Variants in CYFIP1 observed in about 807,000 individuals in gnomAD.
CYFIP1 encodes the protein cytoplasmic FMR1 interacting protein 1, also known as cytoplasmic FMR1-interacting protein 1.
In CYFIP1, 58 loss-of-function variants were observed where a neutral mutation model predicts 163.5. The observed-to-expected ratio is 0.35, with a 90% confidence interval of 0.29 to 0.44. CYFIP1 has a LOEUF of 0.44. CYFIP1 is among the 20% of genes least tolerant of loss of function. The pLI is 1.00. For missense variants in CYFIP1, 1,338 were observed against 1,653.8 expected (o/e 0.81, Z 3.31); for synonymous variants, 663 against 660.7 (o/e 1.00, Z -0.05).
chr15:22,974,458 G>A (rs563595208), intron 1 of CYFIP1, among the ~76,000 whole-genome samples: 8 of 152,244 alleles, frequency 5.3e-5, no homozygotes, highest in Non-Finnish European at 5.9e-5. Flanking sequence ...GGCCGGACAC[G>A]ATGGCTCATG....
At chr15:22,905,873 C>CCTCA in intron 21 of CYFIP1, among the ~76,000 whole-genome samples, 1 of 152,032 alleles carries the variant, frequency 6.6e-6, no homozygotes, top group East Asian at 1.9e-4. Flanking sequence ...CATTCTCCTG[C>CCTCA]CTCAGCCTCC....
intron 22 of CYFIP1, among the ~76,000 whole-genome samples, chr15:22,902,804 G>A (rs2060439396): frequency 6.6e-6 from 1 of 152,152 alleles, no homozygotes; most frequent in Admixed American, 6.5e-5. Flanking sequence ...CACAGGAAAC[G>A]CGGTCCTGCA....
intron 26 of CYFIP1, among the ~76,000 whole-genome samples, chr15:22,879,388 C>G (rs773459396): frequency 2.0e-5 from 3 of 152,260 alleles, no homozygotes; most frequent in African/African-American, 2.4e-5. Flanking sequence ...GTCGAAAACA[C>G]GAGGCGTCCA....
At position 22,937,560 on chromosome 15, in the gene CYFIP1, A is replaced by T. The variant is rs1444012727; in HGVS notation, c.796-352T>A. Among the ~76,000 whole-genome samples the T allele has an allele frequency of 1.3e-5, 2 of 151,950 alleles. 1 individual carries two copies. The highest frequency in any genetic ancestry group is 4.8e-5 in the African/African-American group (2 of 41,398). On this transcript the variant is annotated intron_variant, in intron 8 of 30. Transcript: ENST00000617928. ...TAATGTCCAATATGCAGCCACATGT[A>T]ACCAGTTAAGTTTCGGTGTATGCAA...
chr15:22,969,428 A>G (rs1310384011), intron 1 of CYFIP1, among the ~76,000 whole-genome samples: 1 of 152,180 alleles, frequency 6.6e-6, no homozygotes, highest in Non-Finnish European at 1.5e-5. Flanking sequence ...GGCTTAAACC[A>G]ACACGATGGT....
chr15:22,903,210 G>A (rs1037297081), intron 22 of CYFIP1, among the ~76,000 whole-genome samples: 4 of 152,116 alleles, frequency 2.6e-5, no homozygotes, highest in Non-Finnish European at 2.9e-5. Context: ...TGAGCTCAGT[G>A]AGCAGAGAAG....
At chr15:22,905,707 G>C (rs2060551158) in intron 21 of CYFIP1, among the ~76,000 whole-genome samples, 1 of 149,902 alleles carries the variant, frequency 6.7e-6, no homozygotes, top group Non-Finnish European at 1.5e-5. Flanking sequence ...CAAAGTGCTG[G>C]AATTATAGGA....
rs141966948 is a variant in CYFIP1 at position 22,944,648 on chromosome 15, G to C, written c.297C>G (p.Asn99Lys). ...AGATTTCCACTCTGTTAGGCTGCTC[G>C]TTACATTTCACCTGGGAATAAAGGA... ...CSRAIPQVKC[N>K]EQPNRVEIYE... The change falls in exon 5 of 31, where the codon AAC (asparagine) becomes AAG (lysine). Residue 99 changes from asparagine to lysine, a missense_variant. By Grantham distance (94) the Asn-to-Lys change is moderately conservative. This residue lies in a region of CYFIP1 where 186 missense variants were observed against 288.3 expected (regional missense o/e 0.65). Transcript: ENST00000617928. The C allele has an allele frequency of 6.2e-7, 1 of 1,613,454 alleles. No individual in the cohort carries two copies. Among genetic ancestry groups the C allele is most frequent in the Non-Finnish European group, 8.5e-7 (1 of 1,179,396 alleles).
At chr15:22,887,486 C>G (rs1230773429) in intron 23 of CYFIP1, among the ~76,000 whole-genome samples, 2 of 152,186 alleles carry the variant, frequency 1.3e-5, no homozygotes, top group South Asian at 4.1e-4. Context: ...AAGAAGAACA[C>G]GAAAGTCATC....
At chr15:22,896,499 C>G (rs191619747) in intron 22 of CYFIP1, among the ~76,000 whole-genome samples, 2 of 152,026 alleles carry the variant, frequency 1.3e-5, no homozygotes, top group Non-Finnish European at 2.9e-5. Flanking sequence ...TTTGCTGAGG[C>G]CCTTCTCGTT....
At chr15:22,960,249 C>T (rs1293581480) in intron 1 of CYFIP1, among the ~76,000 whole-genome samples, 16 of 152,228 alleles carry the variant, frequency 1.1e-4, no homozygotes, top group Admixed American at 1.0e-3. Flanking sequence ...GCTGTCAAGA[C>T]ACTTGGGCTG....
intron 11 of CYFIP1, among the ~76,000 whole-genome samples, chr15:22,929,074 G>T (rs1036030711): frequency 2.8e-4 from 43 of 151,930 alleles, no homozygotes; most frequent in South Asian, 2.5e-3. Flanking sequence ...TAAAAAAGTA[G>T]CTGGGCGTGG....
Position 22,965,488 on chromosome 15 carries a change from A to G in CYFIP1, c.-7+14799T>C, listed in dbSNP as rs542543670. Among the ~76,000 whole-genome samples, 50 of 152,336 alleles carry G rather than the reference A, an allele frequency of 3.3e-4. No individual in the cohort carries two copies. The South Asian group carries it at 0.01, about 31-fold the overall frequency. ...TCTTAACCACAGTGTTCACTGCAGT[A>G]ACACACTGCACAGGCGTGTGGCCTG... is the stretch of plus-strand genomic sequence containing the variant. On this transcript the variant is annotated intron_variant, in intron 1 of 30. Coordinates refer to ENST00000617928, the MANE Select transcript of CYFIP1 (RefSeq NM_014608.6).
chr15:22,951,436 G>A lies in CYFIP1; in HGVS notation c.-6-4145C>T, dbSNP rs772978041. On this transcript the variant is annotated intron_variant, in intron 1 of 30. Coordinates refer to ENST00000617928, the MANE Select transcript of CYFIP1 (RefSeq NM_014608.6). ...GCTGCCTGCAGAGCCAGCATGGGGG[G>A]CCTGCCCTTGGTGTCCACGCAGGCA... is the stretch of plus-strand genomic sequence containing the variant. The A allele has an allele frequency of 5.4e-6, 7 of 1,289,406 alleles. No individual in the cohort carries two copies. In the East Asian group the frequency reaches 3.3e-4, roughly 61 times the overall value. The allele number at this position is 1,289,406 out of a possible 1,614,324, so 79.9% of individuals were successfully genotyped here. A position where few individuals can be genotyped will look rare whatever the true frequency, so the allele number is the denominator to read the frequency against.
chr15:22,877,167 C>T (rs940149493), intron 26 of CYFIP1, among the ~76,000 whole-genome samples: 1 of 152,224 alleles, frequency 6.6e-6, no homozygotes, highest in African/African-American at 2.4e-5. Flanking sequence ...TGGGTCAGTT[C>T]TCCCACAATT....
At chr15:22,975,664 C>T (rs547849290) in intron 1 of CYFIP1, among the ~76,000 whole-genome samples, 10 of 152,164 alleles carry the variant, frequency 6.6e-5, no homozygotes, top group African/African-American at 1.9e-4. Context: ...GAGGCTGAGG[C>T]AGGAGAATGG....
At chr15:22,911,087 G>A (rs2060772912) in intron 18 of CYFIP1, among the ~76,000 whole-genome samples, 1 of 151,990 alleles carries the variant, frequency 6.6e-6, no homozygotes, top group South Asian at 2.1e-4. Flanking sequence ...CGTGCCCGTG[G>A]TCCTGGCTAC....
In CYFIP1 at chr15:22,939,329, C is replaced by T. The variant is rs780021089; in HGVS notation, c.667-9G>A. The T allele has an allele frequency of 5.6e-6, 9 of 1,614,030 alleles. No individual in the cohort carries two copies. Among genetic ancestry groups the T allele is most frequent in the Non-Finnish European group, 7.6e-6 (9 of 1,180,038 alleles). On this transcript the variant is annotated splice_polypyrimidine_tract_variant and intron_variant, in intron 7 of 30. Coordinates refer to ENST00000617928, the MANE Select transcript of CYFIP1 (RefSeq NM_014608.6). ...AGCTGCTGCTGCAGAGACTGAAACA[C>T]AGAGCAAGAGACTCATGCATGGGCC...
chr15:22,911,217 T>C (rs563857664), intron 18 of CYFIP1, among the ~76,000 whole-genome samples: 1 of 152,212 alleles, frequency 6.6e-6, no homozygotes, highest in South Asian at 2.1e-4. Flanking sequence ...ATAATCTTAC[T>C]GTCCAACAAC....
Sources: gnomAD v4.1 joint callset for allele counts (sites outside exome capture counted in the v4.1 genomes callset) on GRCh38, gnomAD v4.1.1 for gene constraint, gnomAD v4.1.1 regional missense constraint, MANE v1.5 for transcripts, NCBI Gene and HGNC (gene_info 2026-07-23, HGNC 2026-07-21) for gene names.